RGS7: variants seen among roughly 807,000 people sequenced by gnomAD.
RGS7 encodes the protein regulator of G-protein signaling 7.
RGS7 carries 27 observed loss-of-function variants against 81.1 expected under a neutral mutation model. The observed-to-expected ratio is 0.33, with a 90% CI of 0.25 to 0.46. The LOEUF (loss-of-function observed/expected upper bound fraction) is 0.46, where lower values mean the gene tolerates loss of function less well. Ranked by LOEUF, RGS7 falls within the 20% of genes least tolerant of loss-of-function variation. The pLI is 1.00. For missense variants in RGS7, 396 were observed against 607.4 expected (o/e 0.65, Z 3.66); for synonymous variants, 208 against 207.7 (o/e 1.00, Z -0.01).
intron 2 of RGS7, among the ~76,000 whole-genome samples, chr1:241,300,575 C>A (rs75882782): frequency 2.0e-5 from 3 of 152,270 alleles, no homozygotes; most frequent in East Asian, 3.9e-4. Context: ...GGTTCTTCCA[C>A]GTCTTTCCAT....
At chr1:241,142,051 A>T (rs1341837384) in intron 2 of RGS7, among the ~76,000 whole-genome samples, 1 of 152,198 alleles carries the variant, frequency 6.6e-6, no homozygotes. Context: ...TCAAATCTTA[A>T]AGCTCCAAAA....
At chr1:241,236,041 T>C (rs2075956225) in intron 2 of RGS7, among the ~76,000 whole-genome samples, 2 of 152,164 alleles carry the variant, frequency 1.3e-5, no homozygotes, top group East Asian at 3.9e-4. Flanking sequence ...TCACATGTTT[T>C]TAAAGTCTGC....
chr1:241,129,233 G>A (rs1353239935), intron 2 of RGS7, among the ~76,000 whole-genome samples: 1 of 150,894 alleles, frequency 6.6e-6, no homozygotes, highest in Non-Finnish European at 1.5e-5. Context: ...GTGTACCACT[G>A]AGGGGATATT....
intron 6 of RGS7, among the ~76,000 whole-genome samples, chr1:240,887,236 T>G (rs1174325391): frequency 6.7e-6 from 1 of 149,108 alleles, no homozygotes; most frequent in Non-Finnish European, 1.5e-5. Context: ...GTTTTTTTTT[T>G]TTTTTTTTTT....
At chr1:241,139,179 C>G (rs2067736966) in intron 2 of RGS7, among the ~76,000 whole-genome samples, 1 of 142,808 alleles carries the variant, frequency 7.0e-6, no homozygotes, top group Non-Finnish European at 1.6e-5. Context: ...CTTCCTCTCT[C>G]CCTCCCTTCT....
intron 12 of RGS7, among the ~76,000 whole-genome samples, 193 bp from the exon 13 acceptor site, chr1:240,813,921 G>A (rs962820405): frequency 6.6e-6 from 1 of 152,146 alleles, no homozygotes; most frequent in Non-Finnish European, 1.5e-5. Flanking sequence ...AGACAACTGT[G>A]GCTAAAGATT....
chr1:240,874,440 T>C lies in RGS7; in HGVS notation c.386-4321A>G, dbSNP rs12030049. On this transcript the variant is annotated intron_variant, in intron 6 of 18. Coordinates refer to ENST00000440928, the MANE Select transcript of RGS7 (RefSeq NM_001364886.1). ...GAGAGGAAAGGGGAAGACTGACATT[T>C]TTATTACATTTTTCATTGGAATAGA... 5.1e-4 allele frequency among the ~76,000 whole-genome samples: 77 copies of C among 152,258 alleles called. 1 individual carries two copies. The East Asian group carries it at 0.011, about 22-fold the overall frequency.
intron 2 of RGS7, among the ~76,000 whole-genome samples, chr1:241,245,680 G>A (rs1165186112): frequency 1.3e-5 from 2 of 151,920 alleles, no homozygotes; most frequent in East Asian, 3.9e-4. Context: ...AGTGGCAAGT[G>A]CCTGTAATCC....
intron 2 of RGS7, among the ~76,000 whole-genome samples, chr1:241,118,025 T>C (rs1000070085): frequency 6.6e-6 from 1 of 152,222 alleles, no homozygotes; most frequent in African/African-American, 2.4e-5. Context: ...CCAACATACA[T>C]AGATTTAATT....
At chr1:241,074,586 C>T (rs887178312) in intron 3 of RGS7, among the ~76,000 whole-genome samples, 2 of 152,216 alleles carry the variant, frequency 1.3e-5, no homozygotes, top group Admixed American at 6.5e-5. Flanking sequence ...CTCGTGTTTA[C>T]ACCTAACAGC....
chr1:241,131,004 G>A (rs1038585157), intron 2 of RGS7, among the ~76,000 whole-genome samples: 1 of 151,214 alleles, frequency 6.6e-6, no homozygotes, highest in African/African-American at 2.4e-5. Context: ...GATGATGGCA[G>A]CAATTTAGAA....
chr1:240,794,833 T>A (rs1346400504), intron 18 of RGS7, among the ~76,000 whole-genome samples: 1 of 152,014 alleles, frequency 6.6e-6, no homozygotes, highest in Non-Finnish European at 1.5e-5. Context: ...GTTTTATACG[T>A]TTTATAGGTT....
chr1:240,930,776 A>G lies in RGS7; in HGVS notation c.334-8T>C. The stretch of plus-strand genomic sequence containing the variant: ...TGGCCAAAAATAGGGGGTCTGCGGA[A>G]TGAAAAGAAGTGGAACCCAGATTAG... On this transcript the variant is annotated splice_region_variant and splice_polypyrimidine_tract_variant and intron_variant, in intron 5 of 18. Coordinates refer to ENST00000440928, the MANE Select transcript of RGS7 (RefSeq NM_001364886.1). The G allele has an allele frequency of 6.2e-7, 1 of 1,613,850 alleles. No individual in the cohort carries two copies. Among genetic ancestry groups the G allele is most frequent in the Non-Finnish European group, 8.5e-7 (1 of 1,179,738 alleles).
At position 240,823,104 on chromosome 1, in the gene RGS7, A is replaced by C. The variant is rs1692102599; in HGVS notation, c.684+3994T>G. On this transcript the variant is annotated intron_variant, in intron 10 of 18. Coordinates refer to ENST00000440928, the MANE Select transcript of RGS7 (RefSeq NM_001364886.1). ...TTGCTGAAATAAGTGAGTCTAAAGA[A>C]TCAAAGTTCTTTTCTGGTCTGAGGT... is the stretch of plus-strand genomic sequence containing the variant. 4 of 1,019,130 alleles carry C rather than the reference A, an allele frequency of 3.9e-6. No homozygotes were observed. In the Admixed American group the frequency reaches 6.9e-5, roughly 18 times the overall value. 63.1% of individuals were successfully genotyped at this position (1,019,130 alleles called of 1,614,324 possible). A position where few individuals can be genotyped will look rare whatever the true frequency, so the allele number is the denominator to read the frequency against.
At chr1:241,046,327 C>A (rs2060928634) in intron 3 of RGS7, among the ~76,000 whole-genome samples, 1 of 148,166 alleles carries the variant, frequency 6.7e-6, no homozygotes, top group African/African-American at 2.5e-5. Flanking sequence ...TCTAGTCATC[C>A]CCAATGTCTG....
chr1:241,150,294 A>G (rs750755732), intron 2 of RGS7, among the ~76,000 whole-genome samples: 8 of 152,192 alleles, frequency 5.3e-5, no homozygotes, highest in Non-Finnish European at 8.8e-5. Context: ...TTTTCACTCT[A>G]TGTTAATTTG....
At chr1:241,149,297 G>A (rs1440398963) in intron 2 of RGS7, among the ~76,000 whole-genome samples, 1 of 152,112 alleles carries the variant, frequency 6.6e-6, no homozygotes, top group Non-Finnish European at 1.5e-5. Flanking sequence ...ATCCCGAATA[G>A]TTGAGATTAC....
At chr1:241,330,477 A>G (rs1225057650) in intron 2 of RGS7, among the ~76,000 whole-genome samples, 1 of 152,236 alleles carries the variant, frequency 6.6e-6, no homozygotes, top group African/African-American at 2.4e-5. Context: ...CATACCAGTT[A>G]TACAGAAGCT....
At chr1:241,012,480 C>G (rs2059008808) in intron 3 of RGS7, among the ~76,000 whole-genome samples, 3 of 152,132 alleles carry the variant, frequency 2.0e-5, no homozygotes, top group Non-Finnish European at 4.4e-5. Context: ...TTCAGTTATA[C>G]ATAATAGGCA....
Sources: allele counts gnomAD v4.1 joint callset (sites outside exome capture counted in the v4.1 genomes callset), GRCh38; gene constraint gnomAD v4.1.1; transcripts MANE v1.5; gene names NCBI Gene and HGNC (gene_info 2026-07-23, HGNC 2026-07-21).